The following CTNNA2 variants were observed in gnomAD, a reference collection of about 807,000 sequenced individuals.
The protein encoded by CTNNA2 is catenin alpha 2, also known as catenin alpha-2.
A neutral mutation model predicts 101.0 loss-of-function variants in CTNNA2; 42 were observed. That is an observed-to-expected ratio of 0.42 (90% CI 0.32 to 0.54). The LOEUF (loss-of-function observed/expected upper bound fraction) is 0.54. Ranked by LOEUF, CTNNA2 falls within the 20% of genes least tolerant of loss-of-function variation. CTNNA2 has a pLI of 0.14. For synonymous variants in CTNNA2, 450 were observed against 456.4 expected, an observed-to-expected ratio of 0.99 and a Z score of 0.18; for missense variants, 871 against 1,223.1, an observed-to-expected ratio of 0.71 and a Z score of 4.29.
At chr2:79,911,772 C>A (rs893539880) in intron 7 of CTNNA2, among the ~76,000 whole-genome samples, 4 of 152,200 alleles carry the variant, frequency 2.6e-5, no homozygotes, top group Admixed American at 2.6e-4. Context: ...AAATAAAACA[C>A]CTCCTACTTG....
rs142431147 is a variant in CTNNA2, at chr2:79,433,265, G to T, written c.-135+59252G>T. Among the ~76,000 whole-genome samples, 7 of 152,196 alleles carry T rather than the reference G, an allele frequency of 4.6e-5. No homozygotes were observed. The East Asian group carries it at 1.4e-3, about 29-fold the overall frequency. On this transcript the variant is annotated intron_variant, in intron 4 of 21. Coordinates refer to the CTNNA2 transcript ENST00000466387. ...ATGTGTCCCTAGTGGACCAAATTTT[G>T]GGGGGAACAGGGACAAGTCAGAAAC...
At chr2:79,547,027 G>A (rs1407990712) in intron 1 of CTNNA2, 3 of 151,978 alleles carry the variant, frequency 2.0e-5, no homozygotes, top group Non-Finnish European at 4.4e-5. Flanking sequence ...AATGTAATGT[G>A]CATGCATGCG....
chr2:80,492,076 T>G (rs1687108252), intron 9 of CTNNA2, among the ~76,000 whole-genome samples: 1 of 152,186 alleles, frequency 6.6e-6, no homozygotes, highest in Admixed American at 6.5e-5. Flanking sequence ...CCAAATCTCA[T>G]GTTGAATTAT....
In CTNNA2 at chr2:80,602,931, G is replaced by A. The variant is rs76340958; in HGVS notation, c.2190-1143G>A. ...AAGAAGGTGAGTTAGTAGAGAAATG[G>A]AACAAAATATCATTCATTTACATTA... On this transcript the variant is annotated intron_variant, in intron 15 of 18. Transcript: ENST00000402739. Among the ~76,000 whole-genome samples, 525 of 152,080 alleles carry A rather than the reference G, an allele frequency of 3.5e-3. 1 individual carries two copies. The highest frequency in any genetic ancestry group is 0.012 in the African/African-American group (498 of 41,516).
intron 7 of CTNNA2, among the ~76,000 whole-genome samples, chr2:80,376,605 T>C (rs1020839513): frequency 1.3e-5 from 2 of 152,200 alleles, no homozygotes; most frequent in South Asian, 4.1e-4. Flanking sequence ...TAGATAGATC[T>C]CTAGACTTTG....
At chr2:80,300,857 C>T (rs868569672) in intron 7 of CTNNA2, among the ~76,000 whole-genome samples, 2 of 151,998 alleles carry the variant, frequency 1.3e-5, no homozygotes, top group Non-Finnish European at 1.5e-5. Flanking sequence ...ACCACCACCT[C>T]CTCACTCTTT....
chr2:79,402,700 A>G (rs1678302964), intron 4 of CTNNA2, among the ~76,000 whole-genome samples: 1 of 151,878 alleles, frequency 6.6e-6, no homozygotes, highest in African/African-American at 2.4e-5. Flanking sequence ...TTCTCAATGC[A>G]TTTGGAACAT....
intron 7 of CTNNA2, among the ~76,000 whole-genome samples, chr2:80,083,326 G>A (rs976244130): frequency 6.6e-6 from 1 of 152,052 alleles, no homozygotes; most frequent in Non-Finnish European, 1.5e-5. Context: ...TTTTGTTACG[G>A]GAACATTGTT....
intron 7 of CTNNA2, among the ~76,000 whole-genome samples, chr2:80,046,386 CTATT>C (rs1225471105): frequency 2.0e-5 from 3 of 151,978 alleles, no homozygotes; most frequent in African/African-American, 7.3e-5. Context: ...GACGAAGACT[CTATT>C]TATAGGCTCT....
intron 9 of CTNNA2, among the ~76,000 whole-genome samples, chr2:80,537,823 C>T (rs1475164246): frequency 2.0e-5 from 3 of 152,034 alleles, no homozygotes; most frequent in Non-Finnish European, 4.4e-5. Context: ...GAACTCCCGA[C>T]CTCAGATAAT....
intron 7 of CTNNA2, among the ~76,000 whole-genome samples, chr2:79,973,651 T>C (rs1235064070): frequency 6.6e-6 from 1 of 152,140 alleles, no homozygotes; most frequent in East Asian, 1.9e-4. Context: ...TATTCAGGAA[T>C]AGGGCATTGC....
chr2:79,779,216 T>C (rs1026894866), intron 3 of CTNNA2, among the ~76,000 whole-genome samples: 1 of 152,248 alleles, frequency 6.6e-6, no homozygotes, highest in African/African-American at 2.4e-5. Context: ...TGGAACTGCC[T>C]TTCAGGAAGA....
At chr2:79,392,581 A>G (rs909360536) in intron 4 of CTNNA2, among the ~76,000 whole-genome samples, 4 of 152,180 alleles carry the variant, frequency 2.6e-5, no homozygotes, top group African/African-American at 4.8e-5. Context: ...TTTCTTGCCC[A>G]AGCTGTGAAA....
intron 3 of CTNNA2, among the ~76,000 whole-genome samples, chr2:79,817,306 TTC>T (rs201210234): frequency 0.012 from 1,756 of 147,430 alleles, 20 homozygotes; most frequent in Non-Finnish European, 0.021. Flanking sequence ...AATAATGTAT[TTC>T]TCTCTCACTT....
intron 7 of CTNNA2, among the ~76,000 whole-genome samples, chr2:80,198,612 C>A (rs923154648): frequency 6.6e-6 from 1 of 152,074 alleles, no homozygotes; most frequent in Admixed American, 6.5e-5. Context: ...TTTAACCAAT[C>A]AAATTAGAAT....
chr2:79,974,850 G>A (rs936517774), intron 7 of CTNNA2, among the ~76,000 whole-genome samples: 3 of 152,118 alleles, frequency 2.0e-5, no homozygotes, highest in Non-Finnish European at 4.4e-5. Flanking sequence ...GGAGTCAGAC[G>A]AAGCGTAGGA....
At chr2:79,742,381 A>C (rs1573847836) in intron 2 of CTNNA2, among the ~76,000 whole-genome samples, 1 of 152,276 alleles carries the variant, frequency 6.6e-6, no homozygotes, top group Middle Eastern at 3.4e-3. Context: ...ACATCTTAGA[A>C]TTATGCATAA....
intron 13 of CTNNA2, among the ~76,000 whole-genome samples, chr2:80,577,089 G>A (rs1340950106): frequency 1.3e-5 from 2 of 152,106 alleles, no homozygotes; most frequent in African/African-American, 4.8e-5. Flanking sequence ...TTAAAAATTG[G>A]TAATTCTGTC....
At chr2:80,310,571 G>T (rs1265644347) in intron 7 of CTNNA2, among the ~76,000 whole-genome samples, 1 of 152,180 alleles carries the variant, frequency 6.6e-6, no homozygotes, top group Non-Finnish European at 1.5e-5. Context: ...ACAAGTGAGG[G>T]GAGGTAAGTT....
Sources: gnomAD v4.1 joint callset for allele counts (sites outside exome capture counted in the v4.1 genomes callset) on GRCh38, gnomAD v4.1.1 for gene constraint, MANE v1.5 for transcripts, NCBI Gene and HGNC (gene_info 2026-07-23, HGNC 2026-07-21) for gene names.